Variants in GRIA2 observed in about 807,000 individuals in gnomAD.
The protein encoded by GRIA2 is glutamate ionotropic receptor AMPA type subunit 2.
A neutral mutation model predicts 97.3 loss-of-function variants in GRIA2; 14 were observed. That is an observed-to-expected ratio of 0.14 (90% confidence interval 0.10 to 0.23). The LOEUF (loss-of-function observed/expected upper bound fraction) is 0.23, where lower values mean the gene tolerates loss of function less well. GRIA2 is among the 10% of genes least tolerant of loss of function. GRIA2 has a pLI of 1.00. For missense variants in GRIA2, 558 were observed against 1,069.8 expected, an observed-to-expected ratio of 0.52 and a Z score of 6.67; for synonymous variants, 412 against 387.8, an observed-to-expected ratio of 1.06 and a Z score of -0.73.
intron 9 of GRIA2, 63 bp downstream of exon 9, chr4:157,334,183 A>G (rs1735184495): frequency 3.7e-6 from 3 of 807,212 alleles, no homozygotes; most frequent in Non-Finnish European, 6.6e-6. Flanking sequence ...CTGCAGGAGT[A>G]GCTATTTATA....
intron 13 of GRIA2, chr4:157,360,729 T>A: frequency 2.0e-5 from 10 of 507,022 alleles, no homozygotes; most frequent in African/African-American, 5.8e-5. Context: ...TTCAAGACAC[T>A]GTTATTTGTT....
intron 2 of GRIA2, among the ~76,000 whole-genome samples, chr4:157,222,759 G>A (rs1303995799): frequency 6.6e-6 from 1 of 152,188 alleles, no homozygotes; most frequent in Non-Finnish European, 1.5e-5. Context: ...GCAGTGCTCC[G>A]GGACTCGCTG....
intron 2 of GRIA2, among the ~76,000 whole-genome samples, chr4:157,290,288 A>T (rs150716555): frequency 1.8e-4 from 28 of 151,992 alleles, no homozygotes; most frequent in African/African-American, 5.1e-4. Context: ...TTTGCAAACA[A>T]TTTGGCAAAA....
intron 2 of GRIA2, among the ~76,000 whole-genome samples, chr4:157,256,178 T>C (rs1015647371): frequency 7.3e-6 from 1 of 137,226 alleles, no homozygotes; most frequent in Non-Finnish European, 1.5e-5. Context: ...TTATATATTA[T>C]ATATAATATA....
intron 2 of GRIA2, among the ~76,000 whole-genome samples, chr4:157,246,367 A>C (rs1347455923): frequency 6.6e-6 from 1 of 152,130 alleles, no homozygotes; most frequent in Admixed American, 6.6e-5. Flanking sequence ...GTGCTCAATA[A>C]ATACAAGCTT....
At chr4:157,278,789 G>A (rs1732462937) in intron 2 of GRIA2, among the ~76,000 whole-genome samples, 1 of 113,492 alleles carries the variant, frequency 8.8e-6, no homozygotes, top group Non-Finnish European at 1.7e-5. Context: ...TGAATAACCT[G>A]AATAAAAAAA....
intron 3 of GRIA2, among the ~76,000 whole-genome samples, chr4:157,311,305 G>A (rs1316545076): frequency 2.0e-5 from 3 of 151,952 alleles, no homozygotes; most frequent in South Asian, 4.1e-4. Flanking sequence ...ATGTATTTAA[G>A]TATTTCGCAT....
intron 2 of GRIA2, among the ~76,000 whole-genome samples, chr4:157,262,294 T>G (rs1731576215): frequency 6.6e-6 from 1 of 152,042 alleles, no homozygotes; most frequent in Non-Finnish European, 1.5e-5. Context: ...ACTTTGCATT[T>G]TGGGGAGTCA....
chr4:157,230,451 T>G (rs1729950792), intron 2 of GRIA2, among the ~76,000 whole-genome samples: 1 of 152,160 alleles, frequency 6.6e-6, no homozygotes, highest in Admixed American at 6.5e-5. Flanking sequence ...CATAACTTGG[T>G]GTACTTGGCA....
Position 157,344,306 on chromosome 4 carries a change from A to G in GRIA2, c.2043+2844A>G, listed in dbSNP as rs111236687. Among the ~76,000 whole-genome samples, 297 of 152,206 alleles carry G rather than the reference A, an allele frequency of 2.0e-3. 1 individual carries two copies. The highest frequency in any genetic ancestry group is 6.7e-3 in the African/African-American group (278 of 41,536). ...ATTCTTGTTTCTATTCCTAAAATTA[A>G]CATTCACCACAGGTCTTGGGTTCAT... is the stretch of plus-strand genomic sequence containing the variant. On this transcript the variant is annotated intron_variant, in intron 12 of 15. Coordinates refer to ENST00000264426, the MANE Select transcript of GRIA2 (RefSeq NM_001083619.3).
chr4:157,342,447 G>T, intron 12 of GRIA2: 2 of 984,500 alleles, frequency 2.0e-6, no homozygotes, highest in Non-Finnish European at 2.4e-6. Context: ...TGTATGTGAA[G>T]AGTCCAGGAC....
chr4:157,286,856 A>G (rs921100783), intron 2 of GRIA2, among the ~76,000 whole-genome samples: 3 of 151,622 alleles, frequency 2.0e-5, no homozygotes, highest in African/African-American at 7.2e-5. Flanking sequence ...AAATTCCTTT[A>G]TAGCTGTTCT....
Position 157,301,812 on chromosome 4 carries a change from T to C in GRIA2, c.230-1740T>C, listed in dbSNP as rs188184216. Among the ~76,000 whole-genome samples the C allele has an allele frequency of 3.3e-5, 5 of 152,312 alleles. No homozygotes were observed. The East Asian group carries it at 5.8e-4, about 18-fold the overall frequency. ...TAGGTTGTTAGATTGTGTTTCTGGA[T>C]GACTGGTTTCCAGTTTTTGGATTGA... On this transcript the variant is annotated intron_variant, in intron 2 of 15. Transcript: ENST00000264426.
At chr4:157,250,463 T>C (rs1268564209) in intron 2 of GRIA2, among the ~76,000 whole-genome samples, 1 of 152,086 alleles carries the variant, frequency 6.6e-6, no homozygotes, top group Admixed American at 6.6e-5. Context: ...GAAGTTATAA[T>C]AGTCGGTCCT....
chr4:157,243,779 A>T (rs1730608389), intron 2 of GRIA2, among the ~76,000 whole-genome samples: 1 of 152,082 alleles, frequency 6.6e-6, no homozygotes, highest in Admixed American at 6.6e-5. Context: ...TGGGATGCAC[A>T]TAGGCTTTAC....
chr4:157,332,601 C>T (rs1303336484), intron 6 of GRIA2, among the ~76,000 whole-genome samples: 1 of 151,592 alleles, frequency 6.6e-6, no homozygotes, highest in African/African-American at 2.4e-5. Context: ...GAGATATTAA[C>T]ATAATAGAAA....
At chr4:157,342,183 T>A (rs529541052) in intron 12 of GRIA2, 9 of 968,092 alleles carry the variant, frequency 9.3e-6, no homozygotes, top group African/African-American at 1.8e-5. Flanking sequence ...AGCCAATATA[T>A]GTGACATATA....
At chr4:157,268,146 C>T (rs555090039) in intron 2 of GRIA2, among the ~76,000 whole-genome samples, 20 of 152,062 alleles carry the variant, frequency 1.3e-4, no homozygotes, top group African/African-American at 4.3e-4. Flanking sequence ...ATAAACGAGA[C>T]AGGTCTTTAA....
Position 157,317,660 on chromosome 4 carries a change from T to C in GRIA2, c.669T>C (p.Val223=), listed in dbSNP as rs1420312294. 8.9e-6 allele frequency: 10 copies of C among 1,123,904 alleles called. No homozygotes were observed. Among genetic ancestry groups the C allele is most frequent in the Non-Finnish European group, 1.3e-5 (10 of 743,576 alleles). 69.6% of individuals were successfully genotyped at this position (1,123,904 alleles called of 1,614,324 possible). A position where few individuals can be genotyped will look rare whatever the true frequency, so the allele number is the denominator to read the frequency against. The part of the protein sequence containing the change: ...RDKVNDIVDQ[V]ITIGKHVKGY... Reference sequence around the variant, plus strand: ...AATTACTTATTTGTGCTTATTAGGTTATTACCATTGGAAAACATGTTAAAG... The same window carrying C: ...AATTACTTATTTGTGCTTATTAGGTCATTACCATTGGAAAACATGTTAAAG... The change falls in exon 5 of 16, where the codon GTT becomes GTC. Residue 223 remains valine, a splice_region_variant and synonymous_variant. Coordinates refer to ENST00000264426, the MANE Select transcript of GRIA2 (RefSeq NM_001083619.3).
Sources: gnomAD v4.1 joint callset for allele counts (sites outside exome capture counted in the v4.1 genomes callset) on GRCh38, gnomAD v4.1.1 for gene constraint, MANE v1.5 for transcripts, NCBI Gene and HGNC (gene_info 2026-07-23, HGNC 2026-07-21) for gene names.